Variants in SCLT1 observed in about 807,000 individuals in gnomAD.
SCLT1 encodes the protein sodium channel and clathrin linker 1, also known as sodium channel-associated protein 1.
Under a neutral mutation model 112.8 loss-of-function variants are expected in SCLT1, and 78 were observed. That is an observed-to-expected ratio of 0.69 (90% CI 0.58 to 0.83). The LOEUF is 0.83. SCLT1 is among the 40% of genes least tolerant of loss of function. The pLI is 0.00. For missense variants in SCLT1, 747 were observed against 770.4 expected, an observed-to-expected ratio of 0.97 and a Z score of 0.36; for synonymous variants, 257 against 254.7, an observed-to-expected ratio of 1.01 and a Z score of -0.09.
At chr4:128,900,013 A>G (rs1418367714) in intron 18 of SCLT1, among the ~76,000 whole-genome samples, 5 of 152,348 alleles carry the variant, frequency 3.3e-5, no homozygotes, top group South Asian at 2.1e-4. Context: ...CCAGTGCTCA[A>G]GGAAATAAAA....
At position 129,004,089 on chromosome 4, in the gene SCLT1, C is replaced by T. The variant is rs144757929; in HGVS notation, c.291-213G>A. Among the ~76,000 whole-genome samples, 727 of 152,132 alleles carry T rather than the reference C, an allele frequency of 4.8e-3. 10 individuals carry two copies. Among genetic ancestry groups the T allele is most frequent in the African/African-American group, 0.016 (682 of 41,516 alleles). Reference sequence around the variant, plus strand: ...ATATAACAATTTCAATGCATTAAATCGATCACAATTAACTGAAGCATGATT... The same window carrying T: ...ATATAACAATTTCAATGCATTAAATTGATCACAATTAACTGAAGCATGATT... On this transcript the variant is annotated intron_variant, in intron 5 of 20. Transcript: ENST00000281142.
At chr4:129,053,038 T>A (rs965514309) in intron 2 of SCLT1, among the ~76,000 whole-genome samples, 2 of 152,172 alleles carry the variant, frequency 1.3e-5, no homozygotes, top group African/African-American at 4.8e-5. Context: ...CTGTGTGGTT[T>A]TGAGTGAGTT....
intron 1 of SCLT1, among the ~76,000 whole-genome samples, chr4:129,083,776 C>T (rs914311905): frequency 2.0e-5 from 3 of 152,130 alleles, no homozygotes; most frequent in African/African-American, 7.2e-5. Context: ...AAAGAGAAAT[C>T]TGTAGCTTTA....
chr4:128,993,412 T>A (rs139688626), intron 8 of SCLT1, among the ~76,000 whole-genome samples: 1 of 152,164 alleles, frequency 6.6e-6, no homozygotes, highest in African/African-American at 2.4e-5. Context: ...ACTAGCATAA[T>A]TAATGCTTGT....
At chr4:128,927,924 G>C (rs1736428940) in intron 18 of SCLT1, among the ~76,000 whole-genome samples, 1 of 151,830 alleles carries the variant, frequency 6.6e-6, no homozygotes, top group South Asian at 2.1e-4. Context: ...GCAAAAGGAA[G>C]TATTACAGAT....
At chr4:128,903,571 G>A (rs1734482261) in intron 18 of SCLT1, among the ~76,000 whole-genome samples, 1 of 152,080 alleles carries the variant, frequency 6.6e-6, no homozygotes, top group African/African-American at 2.4e-5. Flanking sequence ...TATTTATTTA[G>A]ACTTATTTAT....
intron 2 of SCLT1, among the ~76,000 whole-genome samples, chr4:129,068,468 A>T (rs1035577963): frequency 6.6e-6 from 1 of 152,158 alleles, no homozygotes; most frequent in African/African-American, 2.4e-5. Flanking sequence ...TTCCATGATC[A>T]TTAGTAATGT....
intron 1 of SCLT1, among the ~76,000 whole-genome samples, chr4:129,083,450 CAA>C (rs10708320): frequency 0.027 from 3,151 of 116,398 alleles, 43 homozygotes; most frequent in South Asian, 0.06. Flanking sequence ...TATCAAGAAC[CAA>C]AAAAAAAAAA....
At chr4:128,981,013 A>T (rs554122771) in intron 9 of SCLT1, among the ~76,000 whole-genome samples, 22 of 152,236 alleles carry the variant, frequency 1.4e-4, no homozygotes, top group African/African-American at 5.1e-4. Context: ...TGACTCACTC[A>T]CTCAAAAAGT....
At chr4:129,026,414 C>A (rs1746084136) in intron 5 of SCLT1, among the ~76,000 whole-genome samples, 1 of 152,056 alleles carries the variant, frequency 6.6e-6, no homozygotes, top group Non-Finnish European at 1.5e-5. Context: ...AACCACTCAA[C>A]TACATGGAAA....
In SCLT1 at chr4:129,093,447, G is replaced by C. The variant is rs1000911638; in HGVS notation, c.-344C>G. The C allele has an allele frequency of 1.4e-5, 4 of 284,276 alleles. No individual in the cohort carries two copies. The highest frequency in any genetic ancestry group is 1.0e-4 in the Admixed American group (2 of 19,862). The allele number at this position is 284,276 out of a possible 1,614,324, so 17.6% of individuals were successfully genotyped here. A position where few individuals can be genotyped will look rare whatever the true frequency, so the allele number is the denominator to read the frequency against. On this transcript the variant is annotated 5_prime_UTR_variant, in exon 1 of 21. Transcript: ENST00000281142. ...TAGGAGAGTGCCGCGGGAGCTTGAC[G>C]GCAGCCTGAGAGCGGCGTTCTACGC...
At chr4:129,058,220 G>A (rs925042260) in intron 2 of SCLT1, among the ~76,000 whole-genome samples, 1 of 151,818 alleles carries the variant, frequency 6.6e-6, no homozygotes, top group Admixed American at 6.6e-5. Flanking sequence ...TGCCAATTTT[G>A]TCCATTTCTA....
At chr4:128,948,364 AG>A (rs370019132) in intron 15 of SCLT1, 131 bp downstream of exon 15, 17 of 1,012,116 alleles carry the variant, frequency 1.7e-5, no homozygotes, top group South Asian at 7.4e-5. Context: ...AAAAAAGAAA[AG>A]AAAAGAAAAA....
intron 2 of SCLT1, among the ~76,000 whole-genome samples, chr4:129,055,027 G>C (rs184422171): frequency 6.6e-6 from 1 of 152,168 alleles, no homozygotes; most frequent in African/African-American, 2.4e-5. Flanking sequence ...CTCTTCTACA[G>C]GTCTGCTGCA....
At position 128,999,788 on chromosome 4, in the gene SCLT1, T is replaced by C. The variant is rs375430672; in HGVS notation, c.433A>G (p.Thr145Ala). 4.4e-5 allele frequency: 70 copies of C among 1,594,812 alleles called. No individual in the cohort carries two copies. Among genetic ancestry groups the C allele is most frequent in the Non-Finnish European group, 5.6e-5 (66 of 1,171,452 alleles). Residue 145 changes from threonine (T) to alanine (A), a missense_variant, in exon 7 of 21, where the codon ACT (threonine) becomes GCT (alanine). By Grantham distance (58) the Thr-to-Ala change is moderately conservative. Transcript: ENST00000281142. ...GTCTGCCAGAGTTCCACAGCCTGAGTTTTTTCCTATTAAAAAAGTTTGATA... is the reference window on the plus strand; with the variant it reads ...GTCTGCCAGAGTTCCACAGCCTGAGCTTTTTCCTATTAAAAAAGTTTGATA... ...EQLQLANQEK[T>A]QAVELWQTVS...
chr4:128,895,088 T>A (rs1354000439), intron 18 of SCLT1, among the ~76,000 whole-genome samples: 1 of 152,154 alleles, frequency 6.6e-6, no homozygotes, highest in Non-Finnish European at 1.5e-5. Context: ...CCAATTCAAG[T>A]CCTTAGAACT....
chr4:128,956,108 T>C (rs929303730), intron 13 of SCLT1, among the ~76,000 whole-genome samples: 1 of 152,206 alleles, frequency 6.6e-6, no homozygotes, highest in African/African-American at 2.4e-5. Flanking sequence ...ATTTTCCGTT[T>C]GCAAAACATT....
intron 11 of SCLT1, among the ~76,000 whole-genome samples, chr4:128,964,096 G>T (rs1292230859): frequency 6.6e-6 from 1 of 152,058 alleles, no homozygotes; most frequent in Non-Finnish European, 1.5e-5. Context: ...AAAGAAAAAA[G>T]ATTTTTAAAA....
chr4:129,083,186 GAA>G (rs10651058), intron 1 of SCLT1, among the ~76,000 whole-genome samples: 6 of 84,530 alleles, frequency 7.1e-5, no homozygotes, highest in African/African-American at 3.2e-4. Flanking sequence ...GTGAGACTCT[GAA>G]AAAAAAAAAA....
Sources: allele counts gnomAD v4.1 joint callset (sites outside exome capture counted in the v4.1 genomes callset), GRCh38; gene constraint gnomAD v4.1.1; transcripts MANE v1.5; gene names NCBI Gene and HGNC (gene_info 2026-07-23, HGNC 2026-07-21).